The following CDH18 variants were observed in gnomAD, a reference collection of about 807,000 sequenced individuals.
The protein encoded by CDH18 is cadherin 18.
A neutral mutation model predicts 67.9 loss-of-function variants in CDH18; 31 were observed. The ratio of observed to expected loss-of-function variants is 0.46; its 90% CI spans 0.34 to 0.62. The LOEUF is 0.62. Among genes scored for constraint, CDH18 ranks in the 20% least tolerant of loss-of-function variants. The pLI, the probability that CDH18 is intolerant of heterozygous loss-of-function variation, is 0.01. For synonymous variants in CDH18, 362 were observed against 347.2 expected (o/e 1.04, Z -0.48); for missense variants, 890 against 975.5 (o/e 0.91, Z 1.17).
chr5:19,483,340 C>G lies in CDH18; in HGVS notation c.1843G>C (p.Ala615Pro). 6.2e-7 allele frequency: 1 copy of G among 1,614,022 alleles called. No homozygotes were observed. The highest frequency in any genetic ancestry group is 8.5e-7 in the Non-Finnish European group (1 of 1,179,952). The change falls in exon 12 of 13, where the codon GCC becomes CCC. Residue 615 changes from alanine (A) to proline (P), a missense_variant. Physicochemically the swap from Ala to Pro is conservative, Grantham distance 27. Coordinates refer to ENST00000382275, the MANE Select transcript of CDH18 (RefSeq NM_004934.5). ...FLSSAGLSTG[A>P]LIAILLCVLI... is the part of the protein sequence containing the mutation. ...ACACAGAGAAGAATAGCGATTAAGG[C>G]TCCTGTACTCAAACCAGCCGAGGAC...
chr5:20,111,841 C>G (rs1330855787), intron 2 of CDH18, among the ~76,000 whole-genome samples: 2 of 152,120 alleles, frequency 1.3e-5, no homozygotes, highest in Non-Finnish European at 2.9e-5. Context: ...CCACGCCCAG[C>G]TGAAGAATGA....
intron 1 of CDH18, among the ~76,000 whole-genome samples, chr5:20,460,756 G>A (rs1252138405): frequency 6.6e-6 from 1 of 151,968 alleles, no homozygotes; most frequent in African/African-American, 2.4e-5. Flanking sequence ...CTGTAAATAT[G>A]GCAAAATATT....
At chr5:20,375,710 G>T (rs904269430) in intron 1 of CDH18, among the ~76,000 whole-genome samples, 2 of 151,992 alleles carry the variant, frequency 1.3e-5, no homozygotes, top group Non-Finnish European at 2.9e-5. Flanking sequence ...CCCTCTGCTG[G>T]ATACAAATTA....
At chr5:20,315,869 G>A (rs1223347097) in intron 1 of CDH18, among the ~76,000 whole-genome samples, 1 of 152,012 alleles carries the variant, frequency 6.6e-6, no homozygotes, top group Non-Finnish European at 1.5e-5. Context: ...TCTACTGTTT[G>A]TCTCTCTGAC....
At chr5:19,710,608 A>G (rs537780904) in intron 5 of CDH18, among the ~76,000 whole-genome samples, 23 of 152,258 alleles carry the variant, frequency 1.5e-4, no homozygotes, top group Non-Finnish European at 2.4e-4. Context: ...CCTAAACTAG[A>G]ATATTACAAA....
intron 3 of CDH18, among the ~76,000 whole-genome samples, chr5:19,825,410 T>G (rs1780306227): frequency 1.3e-5 from 2 of 152,086 alleles, no homozygotes; most frequent in African/African-American, 4.8e-5. Flanking sequence ...CTACACCCAC[T>G]AGAGCTTCCA....
intron 1 of CDH18, among the ~76,000 whole-genome samples, chr5:20,574,064 A>G (rs1758979692): frequency 6.6e-6 from 1 of 151,154 alleles, no homozygotes; most frequent in Non-Finnish European, 1.5e-5. Context: ...TCCAAAATTC[A>G]TATCAACAAT....
chr5:20,097,195 C>T (rs1746061213), intron 2 of CDH18, among the ~76,000 whole-genome samples: 2 of 152,234 alleles, frequency 1.3e-5, no homozygotes, highest in South Asian at 4.1e-4. Flanking sequence ...ACCACTAGCT[C>T]ATCCCCAGTT....
chr5:20,326,896 A>T (rs1482467357), intron 1 of CDH18, among the ~76,000 whole-genome samples: 1 of 152,166 alleles, frequency 6.6e-6, no homozygotes, highest in East Asian at 1.9e-4. Context: ...TTACAGTTTT[A>T]AAAAATAATT....
chr5:19,515,551 G>C (rs1745848475), intron 10 of CDH18, among the ~76,000 whole-genome samples: 2 of 152,098 alleles, frequency 1.3e-5, no homozygotes, highest in Admixed American at 6.5e-5. Flanking sequence ...AGTTCTCCTT[G>C]AAGAGGTCCT....
At chr5:20,308,861 CTA>C (rs906681392) in intron 1 of CDH18, among the ~76,000 whole-genome samples, 3 of 152,158 alleles carry the variant, frequency 2.0e-5, no homozygotes, top group Admixed American at 6.5e-5. Context: ...GGCATTTTCT[CTA>C]TCATCTGGCA....
chr5:20,176,130 A>ACTT (rs1737213741), intron 2 of CDH18, among the ~76,000 whole-genome samples: 2 of 152,254 alleles, frequency 1.3e-5, no homozygotes, highest in South Asian at 2.1e-4. Context: ...TCTGAGGAAC[A>ACTT]CAGAAGGACC....
At chr5:20,423,675 G>A (rs1025180002) in intron 1 of CDH18, among the ~76,000 whole-genome samples, 4 of 150,886 alleles carry the variant, frequency 2.7e-5, no homozygotes, top group African/African-American at 9.9e-5. Context: ...GCCGGGCGCG[G>A]TGGCTCATGC....
chr5:20,088,039 A>G (rs892763401), intron 2 of CDH18, among the ~76,000 whole-genome samples: 3 of 152,202 alleles, frequency 2.0e-5, no homozygotes, highest in Admixed American at 2.0e-4. Flanking sequence ...TGTTCTAACA[A>G]TGTATGGGCA....
intron 1 of CDH18, among the ~76,000 whole-genome samples, chr5:20,270,869 C>A (rs1353460561): frequency 6.6e-6 from 1 of 151,994 alleles, no homozygotes; most frequent in Non-Finnish European, 1.5e-5. Flanking sequence ...TCCTTAGCAA[C>A]CTCTAATGCA....
chr5:20,332,505 C>G (rs1460841707), intron 1 of CDH18, among the ~76,000 whole-genome samples: 2 of 152,136 alleles, frequency 1.3e-5, no homozygotes, highest in African/African-American at 4.8e-5. Context: ...AGTAAGCCAC[C>G]AAACTTGGTG....
intron 1 of CDH18, among the ~76,000 whole-genome samples, chr5:20,503,273 A>G (rs1235209914): frequency 1.3e-5 from 2 of 151,188 alleles, no homozygotes; most frequent in East Asian, 3.9e-4. Flanking sequence ...GCAATGACAC[A>G]GTGACTTTTT....
At chr5:20,377,623 C>T (rs1472861162) in intron 1 of CDH18, among the ~76,000 whole-genome samples, 2 of 151,984 alleles carry the variant, frequency 1.3e-5, no homozygotes, top group Non-Finnish European at 2.9e-5. Flanking sequence ...TTTTTGGAAC[C>T]GTATTTGGTA....
intron 1 of CDH18, among the ~76,000 whole-genome samples, chr5:20,293,947 G>A (rs1747294030): frequency 6.6e-6 from 1 of 152,160 alleles, no homozygotes; most frequent in South Asian, 2.1e-4. Context: ...TTTCACTGAT[G>A]TACGTAGGCA....
Sources: allele counts gnomAD v4.1 joint callset (sites outside exome capture counted in the v4.1 genomes callset), GRCh38; gene constraint gnomAD v4.1.1; transcripts MANE v1.5; gene names NCBI Gene and HGNC (gene_info 2026-07-23, HGNC 2026-07-21).